Variants in LRRTM4 observed in about 807,000 individuals in gnomAD.
The protein encoded by LRRTM4 is leucine rich repeat transmembrane neuronal 4, also known as leucine-rich repeat transmembrane neuronal protein 4.
In LRRTM4, 25 loss-of-function variants were observed where a neutral mutation model predicts 47.6. The ratio of observed to expected loss-of-function variants is 0.53; its 90% CI spans 0.38 to 0.73. The LOEUF is 0.73. Ranked by LOEUF, LRRTM4 falls within the 30% of genes least tolerant of loss-of-function variation. LRRTM4 has a pLI of 0.00. For synonymous variants in LRRTM4, 311 were observed against 269.5 expected (o/e 1.15, Z -1.51); for missense variants, 638 against 713.4 (o/e 0.89, Z 1.20).
intron 3 of LRRTM4, among the ~76,000 whole-genome samples, chr2:77,075,687 G>A (rs893239744): frequency 1.3e-4 from 19 of 151,492 alleles, no homozygotes; most frequent in East Asian, 1.2e-3. Flanking sequence ...AGGCCGAGGC[G>A]GGCAGATCAC....
At chr2:77,453,098 G>T (rs1465734920) in intron 3 of LRRTM4, among the ~76,000 whole-genome samples, 2 of 147,764 alleles carry the variant, frequency 1.4e-5, no homozygotes, top group African/African-American at 2.5e-5. Flanking sequence ...CCATGTTTTT[G>T]TGATTTTTGA....
intron 3 of LRRTM4, among the ~76,000 whole-genome samples, chr2:77,001,092 G>GT (rs1278396973): frequency 4.6e-5 from 7 of 152,146 alleles, no homozygotes; most frequent in Non-Finnish European, 2.9e-5. Context: ...ACTAACTAAA[G>GT]TTATCCTGCC....
intron 3 of LRRTM4, among the ~76,000 whole-genome samples, chr2:77,341,724 C>G (rs1339274812): frequency 6.6e-6 from 1 of 151,966 alleles, no homozygotes; most frequent in African/African-American, 2.4e-5. Context: ...TTGGGGAAAA[C>G]TAGGAAGTTT....
intron 3 of LRRTM4, among the ~76,000 whole-genome samples, chr2:77,084,520 C>T (rs545628140): frequency 5.9e-5 from 9 of 152,300 alleles, no homozygotes; most frequent in African/African-American, 1.2e-4. Flanking sequence ...CATATTTACC[C>T]TTACATTATT....
intron 3 of LRRTM4, among the ~76,000 whole-genome samples, chr2:77,378,549 T>G (rs544410033): frequency 3.5e-4 from 53 of 152,258 alleles, no homozygotes; most frequent in African/African-American, 1.2e-3. Flanking sequence ...GAGACTTTAT[T>G]TGTATCCTGG....
chr2:77,304,316 T>A (rs1341710969), intron 3 of LRRTM4, among the ~76,000 whole-genome samples: 1 of 152,172 alleles, frequency 6.6e-6, no homozygotes, highest in Non-Finnish European at 1.5e-5. Flanking sequence ...TGCTATTGAA[T>A]TGTTTGAATT....
rs561270755 is a variant in LRRTM4 at position 77,378,365 on chromosome 2, T to A, written c.1551+139953A>T. ...TGTTTGATTTTCTATCTTTTTCTATTATATCTAAGGCTATAATTTTATTTT... is the reference window on the plus strand; with the variant it reads ...TGTTTGATTTTCTATCTTTTTCTATAATATCTAAGGCTATAATTTTATTTT... On this transcript the variant is annotated intron_variant, in intron 3 of 3. Transcript: ENST00000409884. 6.1e-3 allele frequency among the ~76,000 whole-genome samples: 936 copies of A among 152,230 alleles called. 8 individuals are homozygous for A. Among genetic ancestry groups the A allele is most frequent in the African/African-American group, 0.021 (892 of 41,556 alleles).
chr2:77,457,417 T>C (rs1248992689), intron 3 of LRRTM4, among the ~76,000 whole-genome samples: 1 of 152,074 alleles, frequency 6.6e-6, no homozygotes, highest in East Asian at 1.9e-4. Flanking sequence ...CAATTATCTA[T>C]CTACACCTCT....
chr2:77,006,094 T>C (rs1379794112), intron 3 of LRRTM4, among the ~76,000 whole-genome samples: 2 of 152,172 alleles, frequency 1.3e-5, no homozygotes, highest in Admixed American at 6.5e-5. Context: ...ATGATATATA[T>C]TTAAAATATT....
At chr2:77,001,535 G>C (rs1558789690) in intron 3 of LRRTM4, among the ~76,000 whole-genome samples, 1 of 152,002 alleles carries the variant, frequency 6.6e-6, no homozygotes, top group Non-Finnish European at 1.5e-5. Context: ...ACTTCTTTAT[G>C]GATAGAAGGC....
intron 3 of LRRTM4, among the ~76,000 whole-genome samples, chr2:77,148,279 G>A (rs1370577674): frequency 6.6e-6 from 1 of 152,166 alleles, no homozygotes; most frequent in Non-Finnish European, 1.5e-5. Context: ...TGCAAAAGGG[G>A]AATGATTTGG....
intron 3 of LRRTM4, among the ~76,000 whole-genome samples, chr2:77,052,963 G>C (rs1679489198): frequency 6.6e-6 from 1 of 151,496 alleles, no homozygotes; most frequent in Admixed American, 6.6e-5. Context: ...AAGGAGCTAG[G>C]AATCCTAGGA....
At chr2:77,431,941 G>C (rs1675395099) in intron 3 of LRRTM4, among the ~76,000 whole-genome samples, 1 of 151,988 alleles carries the variant, frequency 6.6e-6, no homozygotes, top group Non-Finnish European at 1.5e-5. Context: ...GGGCATGGTG[G>C]CATGTGCCTG....
chr2:77,277,364 A>G (rs1430460058), intron 3 of LRRTM4, among the ~76,000 whole-genome samples: 1 of 152,056 alleles, frequency 6.6e-6, no homozygotes, highest in East Asian at 1.9e-4. Flanking sequence ...TGCTAATTGC[A>G]TATCATTTCA....
chr2:77,484,747 G>A (rs1041644148), intron 3 of LRRTM4, among the ~76,000 whole-genome samples: 4 of 152,126 alleles, frequency 2.6e-5, no homozygotes, highest in Admixed American at 6.5e-5. Flanking sequence ...ATGCTTAAAA[G>A]TTTAAAAAAG....
intron 3 of LRRTM4, among the ~76,000 whole-genome samples, chr2:76,958,429 G>A (rs538353565): frequency 1.3e-4 from 20 of 151,728 alleles, no homozygotes; most frequent in Non-Finnish European, 2.2e-4. Flanking sequence ...CCACCCCTAC[G>A]CAGAGGAGAA....
At chr2:76,930,017 A>G (rs1233572485) in intron 3 of LRRTM4, among the ~76,000 whole-genome samples, 1 of 151,526 alleles carries the variant, frequency 6.6e-6, no homozygotes, top group Non-Finnish European at 1.5e-5. Flanking sequence ...GAGTTGAAAA[A>G]CTATCTCTGG....
chr2:77,250,360 C>T (rs1285990545), intron 3 of LRRTM4, among the ~76,000 whole-genome samples: 1 of 152,044 alleles, frequency 6.6e-6, no homozygotes, highest in African/African-American at 2.4e-5. Flanking sequence ...AACAAATATA[C>T]TACTTAGGTG....
chr2:77,412,514 C>G (rs1243178905), intron 3 of LRRTM4, among the ~76,000 whole-genome samples: 1 of 152,130 alleles, frequency 6.6e-6, no homozygotes, highest in African/African-American at 2.4e-5. Context: ...ATTCAAACAG[C>G]CTAAATGTGA....
Sources: gnomAD v4.1 joint callset for allele counts (sites outside exome capture counted in the v4.1 genomes callset) on GRCh38, gnomAD v4.1.1 for gene constraint, MANE v1.5 for transcripts, NCBI Gene and HGNC (gene_info 2026-07-23, HGNC 2026-07-21) for gene names.